The following KLF12 variants were observed in gnomAD, a reference collection of about 807,000 sequenced individuals.
The protein encoded by KLF12 is KLF transcription factor 12.
A neutral mutation model predicts 37.8 loss-of-function variants in KLF12; 9 were observed. The observed-to-expected ratio is 0.24, with a 90% confidence interval of 0.14 to 0.42. KLF12 has a LOEUF of 0.42. KLF12 is among the 10% of genes least tolerant of loss of function. KLF12 has a pLI of 1.00. For synonymous variants in KLF12, 208 were observed against 202.1 expected (o/e 1.03, Z -0.25); for missense variants, 411 against 516.0 (o/e 0.80, Z 1.97).
chr13:73,726,775 T>C (rs1468633136), intron 6 of KLF12, among the ~76,000 whole-genome samples: 1 of 152,242 alleles, frequency 6.6e-6, no homozygotes, highest in Admixed American at 6.5e-5. Context: ...TGTGTAGACA[T>C]ATGTTTTCAG....
At position 73,813,673 on chromosome 13, in the gene KLF12, T is replaced by C. The variant is rs1883062328; in HGVS notation, c.671-386A>G. On this transcript the variant is annotated intron_variant, in intron 4 of 7. Transcript: ENST00000377669. ...TGGCCATTTCACTGCTCATTAGCACTCTCCCTGGAAGGTAGAGAGCATGCG... is the reference window on the plus strand; with the variant it reads ...TGGCCATTTCACTGCTCATTAGCACCCTCCCTGGAAGGTAGAGAGCATGCG... Among the ~76,000 whole-genome samples, 2 of 152,152 alleles carry C rather than the reference T, an allele frequency of 1.3e-5. 1 individual carries two copies. The highest frequency in any genetic ancestry group is 4.1e-4 in the South Asian group (2 of 4,826).
chr13:74,159,728 T>C, the KLF12 span, among the ~76,000 whole-genome samples: 3 of 152,080 alleles, frequency 2.0e-5, no homozygotes, highest in Admixed American at 2.0e-4. Flanking sequence ...TATCAAAAAG[T>C]TCTTTTTCAG....
Position 73,846,277 on chromosome 13 carries a change from G to A in KLF12, c.220C>T (p.His74Tyr), listed in dbSNP as rs1304207455. The stretch of plus-strand genomic sequence containing the variant: ...ACTGGCTCAGTTTGTGTTTGGAAGT[G>A]ATCTACAGATAACGAGTCCTCCGGG... Residue 74 changes from histidine (H) to tyrosine (Y), a missense_variant, in exon 4 of 8, where the codon CAC becomes TAC. Physicochemically the swap from His to Tyr is moderately conservative, Grantham distance 83. This residue lies in a region of KLF12 where 351 missense variants were observed against 397.8 expected (regional missense o/e 0.88). Transcript: ENST00000377669. 1.2e-6 allele frequency: 2 copies of A among 1,613,994 alleles called. No homozygotes were observed.
chr13:73,713,409 ATAATAACAGCTACAACCATCTGGTTGT>A (rs1875555181), intron 7 of KLF12, among the ~76,000 whole-genome samples: 2 of 152,222 alleles, frequency 1.3e-5, no homozygotes, highest in Admixed American at 6.5e-5. Context: ...TGCCAAAGAG[ATAATAACAGCTACAACCATCTGGTTGT>A]TAATAACAAA....
At chr13:73,825,607 C>T (rs1413045743) in intron 4 of KLF12, among the ~76,000 whole-genome samples, 2 of 152,076 alleles carry the variant, frequency 1.3e-5, no homozygotes, top group Non-Finnish European at 2.9e-5. Context: ...CTTTGCCAGG[C>T]AAATTTCTGA....
chr13:74,065,184 ACT>A, intron 1 of KLF12, among the ~76,000 whole-genome samples: 1 of 144,036 alleles, frequency 6.9e-6, no homozygotes, highest in East Asian at 2.1e-4. Flanking sequence ...TATGTATATT[ACT>A]CTGTATCTGA....
chr13:74,182,841 T>G, the KLF12 span, among the ~76,000 whole-genome samples: 25 of 140,076 alleles, frequency 1.8e-4, no homozygotes, highest in East Asian at 4.9e-3. Context: ...TACTTTAGCC[T>G]TTTTTTTTTA....
intron 6 of KLF12, among the ~76,000 whole-genome samples, chr13:73,754,275 A>G (rs776241975): frequency 4.6e-5 from 7 of 152,146 alleles, no homozygotes; most frequent in Non-Finnish European, 7.4e-5. Context: ...GCTACATCTA[A>G]TCAATTCCTA....
Position 73,836,315 on chromosome 13 carries a change from T to C in KLF12, c.670+9512A>G, listed in dbSNP as rs147119238. On this transcript the variant is annotated intron_variant, in intron 4 of 7. Coordinates refer to ENST00000377669, the MANE Select transcript of KLF12 (RefSeq NM_007249.5). ...TGAAAGAGCTGAGAAAATAGTAACA[T>C]AGTCTGGAACAGAAAAAGAATTATT... Among the ~76,000 whole-genome samples, 1,187 of 152,082 alleles carry C rather than the reference T, an allele frequency of 7.8e-3. 13 individuals carry two copies. Among genetic ancestry groups the C allele is most frequent in the African/African-American group, 0.026 (1,070 of 41,496 alleles).
At chr13:74,046,486 A>G (rs1314417002) in intron 1 of KLF12, among the ~76,000 whole-genome samples, 4 of 152,082 alleles carry the variant, frequency 2.6e-5, no homozygotes, top group Admixed American at 6.5e-5. Flanking sequence ...TGAAAAAGGA[A>G]AGCATTCCAT....
intron 5 of KLF12, among the ~76,000 whole-genome samples, chr13:73,773,155 G>T (rs1382341447): frequency 1.3e-5 from 2 of 152,174 alleles, no homozygotes; most frequent in Non-Finnish European, 2.9e-5. Flanking sequence ...AGAGACCTGA[G>T]TATCCTTAGC....
At chr13:74,049,906 T>C (rs1872792742) in intron 1 of KLF12, among the ~76,000 whole-genome samples, 1 of 152,202 alleles carries the variant, frequency 6.6e-6, no homozygotes, top group Non-Finnish European at 1.5e-5. Flanking sequence ...CCTAACACTG[T>C]TGCTTGCCAT....
At chr13:74,007,226 G>A (rs1240148441) in intron 1 of KLF12, among the ~76,000 whole-genome samples, 1 of 144,186 alleles carries the variant, frequency 6.9e-6, no homozygotes, top group Non-Finnish European at 1.6e-5. Context: ...AATACTGAAA[G>A]CTTTACCCAC....
At chr13:74,009,784 G>A (rs1892503306) in intron 1 of KLF12, among the ~76,000 whole-genome samples, 1 of 152,168 alleles carries the variant, frequency 6.6e-6, no homozygotes, top group Non-Finnish European at 1.5e-5. Flanking sequence ...AGCAAACACA[G>A]GAGAGTCTCG....
chr13:73,921,738 T>C (rs1889126086), intron 3 of KLF12, among the ~76,000 whole-genome samples: 1 of 152,200 alleles, frequency 6.6e-6, no homozygotes, highest in Non-Finnish European at 1.5e-5. Context: ...GTGCCTCCCC[T>C]GGGGAATAAA....
the KLF12 span, among the ~76,000 whole-genome samples, chr13:74,162,939 TG>T: frequency 3.3e-5 from 5 of 152,218 alleles, no homozygotes; most frequent in South Asian, 1.0e-3. Flanking sequence ...AACAAATGAT[TG>T]GTACTCAAGT....
intron 3 of KLF12, among the ~76,000 whole-genome samples, chr13:73,904,601 GTCAT>G (rs138508095): frequency 0.047 from 7,087 of 150,600 alleles, 378 homozygotes; most frequent in African/African-American, 0.13. Flanking sequence ...AGGAAAATCT[GTCAT>G]TCATTTAAGT....
chr13:73,926,203 T>G (rs1184686066), intron 3 of KLF12, among the ~76,000 whole-genome samples: 1 of 152,190 alleles, frequency 6.6e-6, no homozygotes, highest in African/African-American at 2.4e-5. Context: ...AAATCTTTTA[T>G]GAAAGAAGAG....
At chr13:73,842,544 T>C (rs1884793068) in intron 4 of KLF12, among the ~76,000 whole-genome samples, 1 of 152,220 alleles carries the variant, frequency 6.6e-6, no homozygotes, top group African/African-American at 2.4e-5. Flanking sequence ...ACAGGACATG[T>C]GAGCTTAGAC....
Sources: gnomAD v4.1 joint callset for allele counts (sites outside exome capture counted in the v4.1 genomes callset) on GRCh38, gnomAD v4.1.1 for gene constraint, gnomAD v4.1.1 regional missense constraint, MANE v1.5 for transcripts, NCBI Gene and HGNC (gene_info 2026-07-23, HGNC 2026-07-21) for gene names.